The following CLDN16 variants were observed in gnomAD, a reference collection of about 807,000 sequenced individuals.
The protein encoded by CLDN16 is claudin 16.
In CLDN16, 13 loss-of-function variants were observed where a neutral mutation model predicts 24.6. That is an observed-to-expected ratio of 0.53 (90% CI 0.34 to 0.84). The LOEUF is 0.84. Ranked by LOEUF, CLDN16 falls within the 40% of genes least tolerant of loss-of-function variation. The probability of loss-of-function intolerance (pLI) is 0.01; values close to 1 mark genes in which losing one functional copy is unlikely to be tolerated. For missense variants in CLDN16, 298 were observed against 292.7 expected (o/e 1.02, Z -0.13); for synonymous variants, 116 against 106.7 (o/e 1.09, Z -0.54).
the CLDN16 span, among the ~76,000 whole-genome samples, chr3:190,308,871 C>T: frequency 6.6e-6 from 1 of 152,144 alleles, no homozygotes. Context: ...AACAGATGAT[C>T]CATTGGTCCC....
At chr3:190,343,046 T>A (rs962824033) in intron 1 of CLDN16, among the ~76,000 whole-genome samples, 9 of 152,228 alleles carry the variant, frequency 5.9e-5, no homozygotes, top group Admixed American at 4.6e-4. Flanking sequence ...GAAAAAATAT[T>A]TGCAAATCAT....
chr3:190,359,632 T>G (rs2108640620), intron 1 of CLDN16, among the ~76,000 whole-genome samples: 1 of 152,160 alleles, frequency 6.6e-6, no homozygotes, highest in African/African-American at 2.4e-5. Flanking sequence ...ACCCTGTTCC[T>G]TACAGTCCAA....
At chr3:190,409,786 A>C in intron 4 of CLDN16, 117 bp from the exon 5 acceptor site, 1 of 946,898 alleles carries the variant, frequency 1.1e-6, no homozygotes, top group Non-Finnish European at 1.6e-6. Context: ...TTCCAAAATG[A>C]TACCTTCTTT....
intron 1 of CLDN16, among the ~76,000 whole-genome samples, chr3:190,336,669 G>A (rs952315488): frequency 6.6e-6 from 1 of 152,150 alleles, no homozygotes; most frequent in Non-Finnish European, 1.5e-5. Context: ...AGGAGATAAA[G>A]GTTTTGTGTG....
intron 2 of CLDN16, among the ~76,000 whole-genome samples, chr3:190,373,126 A>T (rs1193032311): frequency 6.6e-6 from 1 of 151,958 alleles, no homozygotes; most frequent in Non-Finnish European, 1.5e-5. Context: ...CCAATTTAGT[A>T]TAAGAATTTT....
chr3:190,318,887 T>A (rs1716839800), upstream of CLDN16, among the ~76,000 whole-genome samples: 1 of 152,078 alleles, frequency 6.6e-6, no homozygotes, highest in African/African-American at 2.4e-5. Context: ...CCACCAATAC[T>A]CATTAAGCAC....
intron 1 of CLDN16, among the ~76,000 whole-genome samples, chr3:190,402,088 C>T (rs182972445): frequency 1.3e-5 from 2 of 152,154 alleles, no homozygotes; most frequent in Non-Finnish European, 2.9e-5. Context: ...CTCTTCCAGA[C>T]GTGACTTATT....
At chr3:190,300,647 G>A in the CLDN16 span, among the ~76,000 whole-genome samples, 1 of 152,192 alleles carries the variant, frequency 6.6e-6, no homozygotes, top group Non-Finnish European at 1.5e-5. Flanking sequence ...AAAAAAGTTT[G>A]CTGATCCCTC....
At chr3:190,335,344 C>T (rs920288169) in intron 1 of CLDN16, among the ~76,000 whole-genome samples, 1 of 152,016 alleles carries the variant, frequency 6.6e-6, no homozygotes, top group East Asian at 1.9e-4. Flanking sequence ...GCACCTGGCC[C>T]TGAGGATGAA....
intron 1 of CLDN16, among the ~76,000 whole-genome samples, chr3:190,329,326 A>G (rs1156897778): frequency 6.6e-6 from 1 of 152,198 alleles, no homozygotes; most frequent in Non-Finnish European, 1.5e-5. Flanking sequence ...AAGAGCCATG[A>G]CAATTTCAAA....
At chr3:190,388,524 G>C in intron 1 of CLDN16, 81 bp downstream of exon 1, 1 of 1,160,686 alleles carries the variant, frequency 8.6e-7, no homozygotes. Context: ...ACAACATTCA[G>C]TATCTTTACT....
the CLDN16 span, among the ~76,000 whole-genome samples, chr3:190,303,258 C>T: frequency 2.0e-5 from 3 of 152,194 alleles, no homozygotes; most frequent in African/African-American, 7.2e-5. Flanking sequence ...GTCTGCTTGA[C>T]CCAGATCACC....
intron 1 of CLDN16, among the ~76,000 whole-genome samples, chr3:190,344,487 A>G (rs915350685): frequency 2.0e-5 from 3 of 151,848 alleles, no homozygotes; most frequent in Admixed American, 6.6e-5. Context: ...AATGTATATT[A>G]TATATAATTC....
chr3:190,299,550 AT>A, the CLDN16 span, among the ~76,000 whole-genome samples: 3 of 151,228 alleles, frequency 2.0e-5, no homozygotes, highest in Non-Finnish European at 3.0e-5. Flanking sequence ...TTTTTTCTGA[AT>A]TTTTTTTATA....
chr3:190,369,964 T>C (rs919768334), intron 1 of CLDN16, among the ~76,000 whole-genome samples: 1 of 152,002 alleles, frequency 6.6e-6, no homozygotes, highest in African/African-American at 2.4e-5. Context: ...AAAGCCTTAA[T>C]GCGAATTTTG....
At chr3:190,351,501 T>C (rs1577405879) in intron 1 of CLDN16, among the ~76,000 whole-genome samples, 1 of 152,196 alleles carries the variant, frequency 6.6e-6, no homozygotes, top group East Asian at 1.9e-4. Context: ...AAATGTAACC[T>C]AGTCCATAGG....
chr3:190,352,184 TA>T (rs1717685391), intron 1 of CLDN16, among the ~76,000 whole-genome samples: 1 of 151,200 alleles, frequency 6.6e-6, no homozygotes. Context: ...AGTAAAACAA[TA>T]AAAAAGGAAG....
upstream of CLDN16, among the ~76,000 whole-genome samples, chr3:190,319,520 C>T (rs1384303000): frequency 1.3e-5 from 2 of 152,126 alleles, no homozygotes; most frequent in African/African-American, 4.8e-5. Context: ...CCTTCAGATA[C>T]TTTATGAAGG....
At chr3:190,408,253 T>A in intron 3 of CLDN16, 61 bp from the exon 4 acceptor site, 3 of 1,499,104 alleles carry the variant, frequency 2.0e-6, no homozygotes, top group Non-Finnish European at 2.8e-6. Flanking sequence ...TAAGCAGGTA[T>A]TTTTGGATTT....
Sources: gnomAD v4.1 joint callset for allele counts (sites outside exome capture counted in the v4.1 genomes callset) on GRCh38, gnomAD v4.1.1 for gene constraint, MANE v1.5 for transcripts, NCBI Gene and HGNC (gene_info 2026-07-23, HGNC 2026-07-21) for gene names.